Variants in NR5A2 observed in about 807,000 individuals in gnomAD.
NR5A2 encodes nuclear receptor subfamily 5 group A member 2.
In NR5A2, 26 loss-of-function variants were observed where a neutral mutation model predicts 62.7. That is an observed-to-expected ratio of 0.41 (90% CI 0.30 to 0.58). NR5A2 has a LOEUF of 0.58. Among genes scored for constraint, NR5A2 ranks in the 20% least tolerant of loss-of-function variants. The pLI is 0.22. For missense variants in NR5A2, 541 were observed against 669.1 expected (o/e 0.81, Z 2.11); for synonymous variants, 246 against 241.7 (o/e 1.02, Z -0.16).
intron 7 of NR5A2, 26 bp from the exon 8 acceptor site, chr1:200,173,936 CT>C (rs3034024): frequency 0.12 from 139,463 of 1,180,238 alleles, 3 homozygotes; most frequent in Non-Finnish European, 0.13. Flanking sequence ...TGAAATGTTG[CT>C]TTTTTTTTTT....
rs1654468889 is a variant in NR5A2, at chr1:200,177,370, T to C, written c.*3160T>C. 6.6e-6 allele frequency: 1 copy of C among 152,606 alleles called. No individual in the cohort carries two copies. Among genetic ancestry groups the C allele is most frequent in the Admixed American group, 6.5e-5 (1 of 15,288 alleles). 9.5% of individuals were successfully genotyped at this position (152,606 alleles called of 1,614,324 possible). On this transcript the variant is annotated 3_prime_UTR_variant, in exon 8 of 8. Transcript: ENST00000367362. ...AGGAACTTCTCAACAAAATGGAATT[T>C]TTTTTTTCAGTATTTCAATAAATAT... is the stretch of plus-strand genomic sequence containing the variant.
intron 7 of NR5A2, among the ~76,000 whole-genome samples, chr1:200,126,604 A>C (rs993315645): frequency 2.0e-5 from 3 of 152,134 alleles, no homozygotes; most frequent in Non-Finnish European, 4.4e-5. Context: ...AACAGATTCT[A>C]TGGATAACTA....
intron 5 of NR5A2, among the ~76,000 whole-genome samples, chr1:200,074,736 C>CAAAAAAAAAACAAAAAAAAAAAAAAAA (rs1663933941): frequency 1.5e-5 from 1 of 67,558 alleles, no homozygotes; most frequent in Non-Finnish European, 2.7e-5. Flanking sequence ...GAGTCCATCT[C>CAAAAAAAAAACAAAAAAAAAAAAAAAA]AAAAAAAAAA....
At position 200,043,908 on chromosome 1, in the gene NR5A2, G is replaced by A; in HGVS notation, c.321+16G>A. On this transcript the variant is annotated intron_variant, in intron 3 of 7. Coordinates refer to ENST00000367362, the MANE Select transcript of NR5A2 (RefSeq NM_205860.3). ...AAGCTGCAAGGTTTGCTCACACATTGCTACCTGAAAAATATAATGTCCAAC... is the reference window on the plus strand; with the variant it reads ...AAGCTGCAAGGTTTGCTCACACATTACTACCTGAAAAATATAATGTCCAAC... 6.6e-7 allele frequency: 1 copy of A among 1,510,468 alleles called. No individual in the cohort carries two copies. The highest frequency in any genetic ancestry group is 9.2e-7 in the Non-Finnish European group (1 of 1,090,656). The allele number at this position is 1,510,468 out of a possible 1,614,324, so 93.6% of individuals were successfully genotyped here. A position where few individuals can be genotyped will look rare whatever the true frequency, so the allele number is the denominator to read the frequency against.
intron 2 of NR5A2, chr1:200,042,821 G>C: frequency 1.0e-6 from 1 of 985,576 alleles, no homozygotes; most frequent in Non-Finnish European, 1.2e-6. Context: ...TGCCCTTCCT[G>C]TGCATAGTTT....
chr1:200,078,793 A>G (rs1664156221), intron 5 of NR5A2, among the ~76,000 whole-genome samples: 1 of 152,196 alleles, frequency 6.6e-6, no homozygotes, highest in South Asian at 2.1e-4. Context: ...ATTCATTTTA[A>G]TGAATAGTGT....
At chr1:200,071,416 C>T (rs1002975117) in intron 5 of NR5A2, among the ~76,000 whole-genome samples, 4 of 152,106 alleles carry the variant, frequency 2.6e-5, no homozygotes, top group African/African-American at 9.7e-5. Context: ...TCAACTTTAT[C>T]GAAACAAAAC....
rs543485158 is a variant in NR5A2 at position 200,175,573 on chromosome 1, A to G, written c.*1363A>G. The G allele has an allele frequency of 6.5e-6, 1 of 152,806 alleles. No homozygotes were observed. The highest frequency in any genetic ancestry group is 1.9e-4 in the East Asian group (1 of 5,194). The allele number at this position is 152,806 out of a possible 1,614,324, so 9.5% of individuals were successfully genotyped here. A position where few individuals can be genotyped will look rare whatever the true frequency, so the allele number is the denominator to read the frequency against. On this transcript the variant is annotated 3_prime_UTR_variant, in exon 8 of 8. Transcript: ENST00000367362. The stretch of plus-strand genomic sequence containing the variant: ...TTAAAAGGTAGCTGTGCAGATGTGG[A>G]TCAACATTTGTTTAAAATAAAGTAT...
chr1:200,088,177 T>G (rs1664643271), intron 5 of NR5A2, among the ~76,000 whole-genome samples: 1 of 152,226 alleles, frequency 6.6e-6, no homozygotes, highest in African/African-American at 2.4e-5. Flanking sequence ...AGTGTTGGCA[T>G]TAGAGGCGTG....
chr1:200,131,831 T>C (rs1026637623), intron 7 of NR5A2, among the ~76,000 whole-genome samples: 1 of 152,212 alleles, frequency 6.6e-6, no homozygotes, highest in Non-Finnish European at 1.5e-5. Flanking sequence ...AAGTCTTATC[T>C]TGAGTTGTGG....
chr1:200,101,053 G>A (rs759570744), intron 5 of NR5A2, among the ~76,000 whole-genome samples: 2 of 152,092 alleles, frequency 1.3e-5, no homozygotes, highest in Non-Finnish European at 2.9e-5. Flanking sequence ...CATCTCACAT[G>A]TAAACTGCTT....
At chr1:200,131,970 C>T (rs1344602038) in intron 7 of NR5A2, among the ~76,000 whole-genome samples, 1 of 152,166 alleles carries the variant, frequency 6.6e-6, no homozygotes, top group African/African-American at 2.4e-5. Flanking sequence ...TGAGTGGCCA[C>T]TATGCAGAAC....
chr1:200,050,759 G>A (rs1196548542), intron 5 of NR5A2, among the ~76,000 whole-genome samples: 1 of 152,198 alleles, frequency 6.6e-6, no homozygotes, highest in African/African-American at 2.4e-5. Context: ...GGGCTTGGTG[G>A]CACATGCCTG....
At chr1:200,073,964 G>T (rs917916296) in intron 5 of NR5A2, among the ~76,000 whole-genome samples, 2 of 152,150 alleles carry the variant, frequency 1.3e-5, no homozygotes, top group Non-Finnish European at 2.9e-5. Flanking sequence ...TTTTCTGTCT[G>T]TGGAGGGGGC....
intron 5 of NR5A2, among the ~76,000 whole-genome samples, chr1:200,109,501 T>C (rs900317152): frequency 6.6e-6 from 1 of 152,148 alleles, no homozygotes; most frequent in Non-Finnish European, 1.5e-5. Context: ...CAAGCTCTCA[T>C]AGCTAGAAAG....
At chr1:200,133,588 C>CAT (rs199503955) in intron 7 of NR5A2, among the ~76,000 whole-genome samples, 320 of 123,626 alleles carry the variant, frequency 2.6e-3, no homozygotes, top group Middle Eastern at 4.2e-3. Flanking sequence ...TATATATACA[C>CAT]ATATATATAT....
At chr1:200,166,063 C>T (rs1423814252) in intron 7 of NR5A2, among the ~76,000 whole-genome samples, 7 of 152,124 alleles carry the variant, frequency 4.6e-5, no homozygotes, top group South Asian at 4.1e-4. Flanking sequence ...GACTCATAAG[C>T]GTTTCCTTTT....
At chr1:200,173,220 C>T (rs762195231) in intron 7 of NR5A2, among the ~76,000 whole-genome samples, 2 of 152,148 alleles carry the variant, frequency 1.3e-5, no homozygotes, top group Non-Finnish European at 2.9e-5. Context: ...ATCTTCTCTA[C>T]ATGAGTGACC....
At chr1:200,133,536 T>TATATATACACATATATACACAC (rs1558159063) in intron 7 of NR5A2, among the ~76,000 whole-genome samples, 3 of 42,344 alleles carry the variant, frequency 7.1e-5, no homozygotes, top group African/African-American at 2.1e-4. Flanking sequence ...TACACACACA[T>TATATATACACATATATACACAC]ATATATATAT....
Sources: allele counts gnomAD v4.1 joint callset (sites outside exome capture counted in the v4.1 genomes callset), GRCh38; gene constraint gnomAD v4.1.1; transcripts MANE v1.5; gene names NCBI Gene and HGNC (gene_info 2026-07-23, HGNC 2026-07-21).